The following ACTN1 variants were observed in gnomAD, a reference collection of about 807,000 sequenced individuals.
ACTN1 encodes the protein alpha-actinin-1.
A neutral mutation model predicts 119.6 loss-of-function variants in ACTN1; 30 were observed. The observed-to-expected ratio is 0.25, with a 90% CI of 0.19 to 0.34. The LOEUF (loss-of-function observed/expected upper bound fraction) is 0.34. ACTN1 is among the 10% of genes least tolerant of loss of function. ACTN1 has a pLI of 1.00. For missense variants in ACTN1, 764 were observed against 1,223.4 expected (o/e 0.62, Z 5.60); for synonymous variants, 429 against 472.6 (o/e 0.91, Z 1.20).
chr14:68,879,363 C>G lies in ACTN1; in HGVS notation c.2281-294G>C, dbSNP rs1389162304. 1.3e-5 allele frequency among the ~76,000 whole-genome samples: 2 copies of G among 152,158 alleles called. No individual in the cohort carries two copies. Among genetic ancestry groups the G allele is most frequent in the South Asian group, 4.1e-4 (2 of 4,822 alleles). ...GAAGCTCCCTCAGAAGTGACCCAGC[C>G]CCCCCGCTTCCCCAGGGGCTTCCCC... On this transcript the variant is annotated intron_variant, in intron 18 of 21. Transcript: ENST00000394419. The surrounding 1 kb of genome is among the most constrained non-coding windows in gnomAD (Gnocchi z 4.9).
At chr14:68,897,302 T>A (rs1413905491) in intron 8 of ACTN1, among the ~76,000 whole-genome samples, 2 of 152,354 alleles carry the variant, frequency 1.3e-5, no homozygotes, top group East Asian at 3.9e-4. Context: ...CATGTTTTTT[T>A]ATGACCTACT....
intron 3 of ACTN1, among the ~76,000 whole-genome samples, chr14:68,918,056 G>A (rs2034409861): frequency 6.6e-6 from 1 of 152,186 alleles, no homozygotes; most frequent in African/African-American, 2.4e-5. Context: ...GTAACAGAGT[G>A]AGACCCTGTC....
At chr14:68,922,722 AC>A (rs2034715807) in intron 2 of ACTN1, among the ~76,000 whole-genome samples, 1 of 152,256 alleles carries the variant, frequency 6.6e-6, no homozygotes. Flanking sequence ...GTCAGTCAGC[AC>A]AAAATCACCT....
chr14:68,979,302 T>C lies in ACTN1; in HGVS notation c.-246A>G. 1 of 244,924 alleles carries C rather than the reference T, an allele frequency of 4.1e-6. No individual in the cohort carries two copies. Among genetic ancestry groups the C allele is most frequent in the Non-Finnish European group, 7.5e-6 (1 of 133,662 alleles). The allele number at this position is 244,924 out of a possible 1,614,324, so 15.2% of individuals were successfully genotyped here. ...GCTTGGACCTAATCTCCACGCACAC[T>C]GAACTAGGCGGACACACTAGCGCTG... On this transcript the variant is annotated 5_prime_UTR_variant, in exon 1 of 22. Coordinates refer to ENST00000394419, the MANE Select transcript of ACTN1 (RefSeq NM_001130004.2).
chr14:68,884,957 G>A, intron 12 of ACTN1, 74 bp from the exon 13 acceptor site: 1 of 1,283,450 alleles, frequency 7.8e-7, no homozygotes, highest in Non-Finnish European at 1.1e-6. Context: ...CTCTGAGGCT[G>A]TCAGTGGGGT....
intron 14 of ACTN1, 26 bp from the exon 15 acceptor site, chr14:68,883,081 C>T (rs1321997276): frequency 1.7e-5 from 27 of 1,609,266 alleles, no homozygotes; most frequent in Non-Finnish European, 2.0e-5. Context: ...AATATGTGGG[C>T]AAGAGGAACA....
chr14:68,930,021 C>T (rs948702689), intron 1 of ACTN1, among the ~76,000 whole-genome samples: 1 of 152,222 alleles, frequency 6.6e-6, no homozygotes, highest in Non-Finnish European at 1.5e-5. Context: ...GGTCTCATAG[C>T]CTTGCTCTCA....
chr14:68,910,475 A>G (rs1437386082), intron 4 of ACTN1, among the ~76,000 whole-genome samples: 2 of 152,160 alleles, frequency 1.3e-5, no homozygotes, highest in Non-Finnish European at 2.9e-5. Context: ...AGAAGAAAGC[A>G]TTAGGACTCC....
intron 3 of ACTN1, among the ~76,000 whole-genome samples, chr14:68,916,378 T>C (rs1230016519): frequency 6.6e-6 from 1 of 152,236 alleles, no homozygotes; most frequent in Non-Finnish European, 1.5e-5. Flanking sequence ...TTTTAGGGTC[T>C]TGCCTACTTA....
At chr14:68,966,185 C>A (rs888156621) in intron 1 of ACTN1, among the ~76,000 whole-genome samples, 3 of 152,132 alleles carry the variant, frequency 2.0e-5, no homozygotes, top group Admixed American at 2.0e-4. Context: ...CCACTGCACT[C>A]CAGCCTGGGT....
chr14:68,930,679 A>C (rs1429595045), intron 1 of ACTN1, among the ~76,000 whole-genome samples: 1 of 152,218 alleles, frequency 6.6e-6, no homozygotes, highest in East Asian at 1.9e-4. Context: ...AGCAGGTGGT[A>C]AACCCTGGAC....
intron 1 of ACTN1, chr14:68,977,381 G>A (rs1318077870): frequency 6.5e-6 from 1 of 152,930 alleles, no homozygotes; most frequent in African/African-American, 2.4e-5. Flanking sequence ...CTCTTACTAG[G>A]AAGATGACAG....
chr14:68,944,936 G>C (rs1362102740), intron 1 of ACTN1, among the ~76,000 whole-genome samples: 2 of 148,828 alleles, frequency 1.3e-5, no homozygotes, highest in Admixed American at 6.7e-5. Context: ...TGCGTGTGTG[G>C]AGCAGGTAGC....
At chr14:68,934,122 T>A (rs1488703798) in intron 1 of ACTN1, among the ~76,000 whole-genome samples, 1 of 152,172 alleles carries the variant, frequency 6.6e-6, no homozygotes. Context: ...GGGTCTTTAG[T>A]TTCACAATGG....
chr14:68,930,169 G>A (rs1237186933), intron 1 of ACTN1, among the ~76,000 whole-genome samples: 1 of 152,194 alleles, frequency 6.6e-6, no homozygotes, highest in African/African-American at 2.4e-5. Context: ...ACACTGCAAT[G>A]TTTCTTTAGC....
Position 68,909,309 on chromosome 14 carries a change from C to A in ACTN1, c.594+9G>T, listed in dbSNP as rs1431197073. ...GACCCAAAGCGGGTGGTCAGGTGGGCACACATACCTTCCGCAGCTTCCCGT... is the reference window on the plus strand; with the variant it reads ...GACCCAAAGCGGGTGGTCAGGTGGGAACACATACCTTCCGCAGCTTCCCGT... On this transcript the variant is annotated intron_variant, in intron 6 of 21. Coordinates refer to ENST00000394419, the MANE Select transcript of ACTN1 (RefSeq NM_001130004.2). This position sits in a 1 kb window ranked among gnomAD's most constrained non-coding sequence, Gnocchi z 4.1. 6.2e-7 allele frequency: 1 copy of A among 1,613,704 alleles called. No individual in the cohort carries two copies. Among genetic ancestry groups the A allele is most frequent in the Non-Finnish European group, 8.5e-7 (1 of 1,179,878 alleles).
chr14:68,963,119 C>T (rs1343624774), intron 1 of ACTN1, among the ~76,000 whole-genome samples: 2 of 151,834 alleles, frequency 1.3e-5, no homozygotes, highest in Non-Finnish European at 2.9e-5. Context: ...TCCCCTTGAC[C>T]CTGCCCCCGC....
At chr14:68,912,642 G>A (rs2034074176) in intron 3 of ACTN1, among the ~76,000 whole-genome samples, 1 of 152,150 alleles carries the variant, frequency 6.6e-6, no homozygotes, top group Non-Finnish European at 1.5e-5. Flanking sequence ...CTCCCAAAGT[G>A]CTGGAATTAC....
At chr14:68,898,563 G>A (rs1594779848) in intron 8 of ACTN1, among the ~76,000 whole-genome samples, 1 of 152,110 alleles carries the variant, frequency 6.6e-6, no homozygotes, top group East Asian at 1.9e-4. Flanking sequence ...CCAGCCCGGA[G>A]ACAGACAAGA....
Sources: gnomAD v4.1 joint callset for allele counts (sites outside exome capture counted in the v4.1 genomes callset) on GRCh38, gnomAD v4.1.1 for gene constraint, Gnocchi (gnomAD v3.1) non-coding constraint, MANE v1.5 for transcripts, NCBI Gene and HGNC (gene_info 2026-07-23, HGNC 2026-07-21) for gene names.